Variants in PTPRD observed in about 807,000 individuals in gnomAD.
The protein encoded by PTPRD is receptor-type tyrosine-protein phosphatase delta.
A neutral mutation model predicts 214.5 loss-of-function variants in PTPRD; 34 were observed. The observed-to-expected ratio is 0.16, with a 90% CI of 0.12 to 0.21. PTPRD has a LOEUF of 0.21. PTPRD is among the 10% of genes least tolerant of loss of function. The probability of loss-of-function intolerance (pLI) is 1.00; values close to 1 mark genes in which losing one functional copy is unlikely to be tolerated. For synonymous variants in PTPRD, 1,128 were observed against 845.7 expected (o/e 1.33, Z -5.79); for missense variants, 2,545 against 2,398.7 (o/e 1.06, Z -1.27).
chr9:10,075,140 G>C (rs546331969), intron 3 of PTPRD, among the ~76,000 whole-genome samples: 5 of 151,920 alleles, frequency 3.3e-5, no homozygotes, highest in Admixed American at 1.3e-4. Flanking sequence ...TTCTGTCAAC[G>C]AATAAAATAC....
intron 11 of PTPRD, among the ~76,000 whole-genome samples, chr9:8,961,566 C>T (rs1273301784): frequency 1.3e-5 from 2 of 152,098 alleles, no homozygotes; most frequent in Non-Finnish European, 2.9e-5. Context: ...GTTTTACATT[C>T]ATCAAGGCAG....
At chr9:10,228,578 T>A (rs1209166198) in intron 3 of PTPRD, among the ~76,000 whole-genome samples, 3 of 151,880 alleles carry the variant, frequency 2.0e-5, no homozygotes, top group Non-Finnish European at 4.4e-5. Flanking sequence ...CAGTAAATAT[T>A]TGCCATCAGC....
At chr9:9,419,696 G>C (rs2078089481) in intron 8 of PTPRD, among the ~76,000 whole-genome samples, 1 of 151,608 alleles carries the variant, frequency 6.6e-6, no homozygotes, top group Non-Finnish European at 1.5e-5. Context: ...TTCATGGCTG[G>C]ACCTACATTA....
At chr9:10,327,177 A>G (rs201403140) in intron 3 of PTPRD, among the ~76,000 whole-genome samples, 27,415 of 129,358 alleles carry the variant, frequency 0.21, 2,634 homozygotes, top group African/African-American at 0.32. Flanking sequence ...GTGTGTATAT[A>G]TATATATATA....
At chr9:9,053,297 T>C (rs2093451461) in intron 10 of PTPRD, among the ~76,000 whole-genome samples, 1 of 152,142 alleles carries the variant, frequency 6.6e-6, no homozygotes, top group Non-Finnish European at 1.5e-5. Flanking sequence ...ATGATATTAA[T>C]AGGGCTATTA....
chr9:8,687,897 T>A (rs2097717151), intron 12 of PTPRD, among the ~76,000 whole-genome samples: 1 of 152,156 alleles, frequency 6.6e-6, no homozygotes, highest in African/African-American at 2.4e-5. Context: ...GTTCAAATCT[T>A]TGTCTTTGAT....
rs1277282662 is a variant in PTPRD at position 9,970,338 on chromosome 9, T to C, written c.-471-31728A>G. Among the ~76,000 whole-genome samples the C allele has an allele frequency of 5.4e-5, 8 of 149,220 alleles. No individual in the cohort carries two copies. In the East Asian group the frequency reaches 1.6e-3, roughly 29 times the overall value. On this transcript the variant is annotated intron_variant, in intron 4 of 45. Transcript: ENST00000381196. ...GGTGGCAGGCACCTGTAGTCCCAGCTACTCGGGAGGCTGAGGCAGGAGAAT... is the reference window on the plus strand; with the variant it reads ...GGTGGCAGGCACCTGTAGTCCCAGCCACTCGGGAGGCTGAGGCAGGAGAAT...
intron 4 of PTPRD, among the ~76,000 whole-genome samples, chr9:9,955,266 G>C (rs142875996): frequency 6.6e-6 from 1 of 152,046 alleles, no homozygotes; most frequent in Non-Finnish European, 1.5e-5. Flanking sequence ...AGTACTAAAC[G>C]GTGAAAGTGT....
At chr9:9,424,972 T>G (rs1396900865) in intron 8 of PTPRD, among the ~76,000 whole-genome samples, 1 of 152,208 alleles carries the variant, frequency 6.6e-6, no homozygotes, top group African/African-American at 2.4e-5. Flanking sequence ...GGACTGGGTC[T>G]GTGACTTGCT....
chr9:8,678,067 G>A (rs1365872062), intron 12 of PTPRD, among the ~76,000 whole-genome samples: 1 of 152,106 alleles, frequency 6.6e-6, no homozygotes, highest in African/African-American at 2.4e-5. Context: ...AGTGAAGTGT[G>A]AAAATAAAAC....
chr9:10,168,998 T>C (rs185183568), intron 3 of PTPRD, among the ~76,000 whole-genome samples: 74 of 152,252 alleles, frequency 4.9e-4, no homozygotes, highest in Admixed American at 5.2e-4. Flanking sequence ...AGAAAAATGG[T>C]AACTTCTGGG....
intron 8 of PTPRD, among the ~76,000 whole-genome samples, chr9:9,503,705 TC>T (rs2096493231): frequency 6.6e-6 from 1 of 151,624 alleles, no homozygotes; most frequent in Non-Finnish European, 1.5e-5. Context: ...TGTGTCAAAC[TC>T]TAACAAAAAG....
At chr9:9,999,369 G>T (rs1357437446) in intron 4 of PTPRD, among the ~76,000 whole-genome samples, 4 of 152,274 alleles carry the variant, frequency 2.6e-5, no homozygotes, top group Admixed American at 2.6e-4. Context: ...AACTGGGGAA[G>T]GGCTGCTCAT....
At chr9:9,740,459 G>A (rs1361981202) in intron 6 of PTPRD, among the ~76,000 whole-genome samples, 2 of 151,694 alleles carry the variant, frequency 1.3e-5, no homozygotes, top group African/African-American at 4.9e-5. Context: ...CCGGGTTCAC[G>A]CCATTCTCCT....
chr9:8,337,893 G>T (rs566056378), intron 43 of PTPRD, among the ~76,000 whole-genome samples: 5 of 150,476 alleles, frequency 3.3e-5, no homozygotes, highest in Admixed American at 6.6e-5. Context: ...TTTTTAAACG[G>T]TGGGGCAGGT....
intron 27 of PTPRD, among the ~76,000 whole-genome samples, chr9:8,488,094 G>A (rs76393232): frequency 1.5e-3 from 228 of 152,090 alleles, no homozygotes; most frequent in African/African-American, 5.1e-3. Context: ...ATGGGAAACA[G>A]GTGATAAAAA....
intron 14 of PTPRD, among the ~76,000 whole-genome samples, chr9:8,599,107 C>A (rs557195679): frequency 6.6e-6 from 1 of 152,252 alleles, no homozygotes; most frequent in South Asian, 2.1e-4. Flanking sequence ...TAATACGTCT[C>A]ATGAGATGTG....
intron 3 of PTPRD, among the ~76,000 whole-genome samples, chr9:10,068,558 G>T (rs541828186): frequency 2.0e-5 from 3 of 151,678 alleles, no homozygotes; most frequent in African/African-American, 7.3e-5. Flanking sequence ...AAGATGCGAG[G>T]TATACAATAG....
intron 12 of PTPRD, among the ~76,000 whole-genome samples, chr9:8,681,782 T>A (rs545896674): frequency 6.6e-6 from 1 of 152,226 alleles, no homozygotes; most frequent in South Asian, 2.1e-4. Flanking sequence ...CTGTCATTAT[T>A]GTTTCTAGCA....
Sources: allele counts gnomAD v4.1 joint callset (sites outside exome capture counted in the v4.1 genomes callset), GRCh38; gene constraint gnomAD v4.1.1; transcripts MANE v1.5; gene names NCBI Gene and HGNC (gene_info 2026-07-23, HGNC 2026-07-21).